The following NLRP12 variants were observed in gnomAD, a reference collection of about 807,000 sequenced individuals.
NLRP12 encodes the protein NACHT, LRR and PYD domains-containing protein 12.
A neutral mutation model predicts 91.2 loss-of-function variants in NLRP12; 108 were observed. The observed-to-expected ratio is 1.18, with a 90% CI of 1.01 to 1.39. The LOEUF (loss-of-function observed/expected upper bound fraction) is 1.39, where lower values mean the gene tolerates loss of function less well. NLRP12 is among the 40% of genes most tolerant of loss of function. The probability of loss-of-function intolerance (pLI) is 0.00; values close to 1 mark genes in which losing one functional copy is unlikely to be tolerated. For synonymous variants in NLRP12, 613 were observed against 566.7 expected (o/e 1.08, Z -1.16); for missense variants, 1,530 against 1,352.7 (o/e 1.13, Z -2.06).
In NLRP12 at chr19:53,809,938, T is replaced by G. The variant is rs2092034857; in HGVS notation, c.1721A>C (p.His574Pro). ...FGLLNEETRS[H>P]LEKSLCWKVS... ...CTTCCAGCAGAGACTCTTCTCCAGG[T>G]GGCTCCTGGTCTCCTCGTTCAGGAG... The change falls in exon 3 of 10, where the codon CAC (histidine) becomes CCC (proline). Residue 574 changes from histidine (H) to proline (P), a missense_variant. Coordinates refer to ENST00000324134, the MANE Select transcript of NLRP12 (RefSeq NM_144687.4). 1 of 1,614,084 alleles carries G rather than the reference T, an allele frequency of 6.2e-7. No homozygotes were observed. Among genetic ancestry groups the G allele is most frequent in the Non-Finnish European group, 8.5e-7 (1 of 1,180,018 alleles).
In NLRP12 at chr19:53,809,793, C is replaced by G; in HGVS notation, c.1866G>C (p.Glu622Asp). 6.2e-7 allele frequency: 1 copy of G among 1,614,104 alleles called. No individual in the cohort carries two copies. Among genetic ancestry groups the G allele is most frequent in the Non-Finnish European group, 8.5e-7 (1 of 1,179,994 alleles). Residue 622 changes from glutamate (E) to aspartate (D), a missense_variant, in exon 3 of 10, where the codon GAG becomes GAC. Physicochemically the swap from Glu to Asp is conservative, Grantham distance 45. Transcript: ENST00000324134. ...EFFSCLYEIQ[E>D]EEFIQQALSH... ...TCAGGGCCTGCTGGATAAACTCCTC[C>G]TCCTGGATCTCGTACAAGCAGCTGA...
chr19:53,815,380 C>T (rs540042450), intron 1 of NLRP12, among the ~76,000 whole-genome samples: 2 of 151,978 alleles, frequency 1.3e-5, no homozygotes, highest in African/African-American at 4.8e-5. Flanking sequence ...AGGTGTGCGC[C>T]ACAATGCCTG....
chr19:53,807,456 T>G (rs1400649074), intron 4 of NLRP12, 39 bp downstream of exon 4: 1 of 1,600,856 alleles, frequency 6.2e-7, no homozygotes, highest in East Asian at 2.2e-5. Flanking sequence ...GAGGCCACGG[T>G]GGGGACCACC....
At chr19:53,798,174 TGAAGGATGA>T in intron 8 of NLRP12, 60 bp downstream of exon 8, 1 of 1,511,112 alleles carries the variant, frequency 6.6e-7, no homozygotes, top group South Asian at 1.1e-5. Flanking sequence ...AATAGAAAAA[TGAAGGATGA>T]GAAGGCGCTT....
intron 4 of NLRP12, 99 bp downstream of exon 4, chr19:53,807,396 C>G (rs908577901): frequency 1.6e-6 from 2 of 1,233,588 alleles, no homozygotes; most frequent in South Asian, 1.3e-5. Flanking sequence ...GCAGCCGTAG[C>G]CAACGAATAC....
At position 53,823,472 on chromosome 19, in the gene NLRP12, TA is replaced by T. The variant is rs1463849982; in HGVS notation, c.289+413del. Among the ~76,000 whole-genome samples the T allele has an allele frequency of 1.2e-3, 150 of 126,020 alleles. 2 individuals carry two copies. The highest frequency in any genetic ancestry group is 3.9e-3 in the African/African-American group (129 of 32,904). The allele number at this position is 126,020 out of a possible 152,430, so 82.7% of individuals were successfully genotyped here. Reference sequence around the variant, plus strand: ...TAAATATATATTTTAAATATATATTTAAAATATATATTTTAAAATATATTTA... The same window carrying T: ...TAAATATATATTTTAAATATATATTTAAATATATATTTTAAAATATATTTA... On this transcript the variant is annotated intron_variant, in intron 1 of 9. Transcript: ENST00000324134.
intron 3 of NLRP12, among the ~76,000 whole-genome samples, chr19:53,809,093 A>G (rs565702702): frequency 6.6e-6 from 1 of 151,846 alleles, no homozygotes; most frequent in African/African-American, 2.4e-5. Context: ...TGGCATGGTG[A>G]TGGGCACCTG....
At chr19:53,823,293 T>C (rs2092286663) in intron 1 of NLRP12, among the ~76,000 whole-genome samples, 1 of 139,934 alleles carries the variant, frequency 7.1e-6, no homozygotes, top group Admixed American at 7.8e-5. Flanking sequence ...ATACCATATT[T>C]ATATAATATA....
chr19:53,805,143 G>A, intron 5 of NLRP12, 137 bp downstream of exon 5: 2 of 873,038 alleles, frequency 2.3e-6, no homozygotes, highest in South Asian at 2.8e-5. Flanking sequence ...AGAGTCCAGG[G>A]CCAGGGTCTT....
Position 53,814,923 on chromosome 19 carries a change from C to A in NLRP12, c.355G>T (p.Val119Phe). ...TGAGGCTCACCTTTTCTTGGAGTGA[C>A]AAGAGAGACTTCCAGAAGGCATGTT... Reference protein sequence around the residue: ...QSTCLLEVSLVTPRKDPQETY... With the variant: ...QSTCLLEVSLFTPRKDPQETY... Residue 119 changes from valine (V) to phenylalanine (F), a missense_variant, in exon 2 of 10, where the codon GTC becomes TTC. Coordinates refer to ENST00000324134, the MANE Select transcript of NLRP12 (RefSeq NM_144687.4). 6.2e-7 allele frequency: 1 copy of A among 1,613,940 alleles called. No individual in the cohort carries two copies.
At position 53,811,522 on chromosome 19, in the gene NLRP12, A is replaced by T. The variant is rs529640118; in HGVS notation, c.371-234T>A. 8.8e-4 allele frequency among the ~76,000 whole-genome samples: 134 copies of T among 151,594 alleles called. 1 individual carries two copies. Among genetic ancestry groups the T allele is most frequent in the African/African-American group, 1.2e-3 (50 of 41,368 alleles). ...GAGCCAGACTCCATCTCAAAAAAAA[A>T]TTTTTTTTAATTAAAATAATTTATT... On this transcript the variant is annotated intron_variant, in intron 2 of 9. Transcript: ENST00000324134.
At chr19:53,794,946 C>T (rs1320488729) in intron 9 of NLRP12, among the ~76,000 whole-genome samples, 3 of 152,034 alleles carry the variant, frequency 2.0e-5, no homozygotes, top group South Asian at 2.1e-4. Context: ...AGTGATTTGC[C>T]TGCCTTGGCC....
At chr19:53,793,677 C>G (rs879479440), downstream of NLRP12, 4 of 321,766 alleles carry the variant, frequency 1.2e-5, no homozygotes, top group East Asian at 7.4e-5. Flanking sequence ...CTCCACCTCC[C>G]GGGTTCAAGC....
At chr19:53,806,767 AG>A (rs2091965997) in intron 4 of NLRP12, among the ~76,000 whole-genome samples, 1 of 146,722 alleles carries the variant, frequency 6.8e-6, no homozygotes, top group Non-Finnish European at 1.5e-5. Context: ...CTGGAGCAAG[AG>A]GATCGCTTGA....
At chr19:53,823,469 A>ATTTTAAATATGTAT (rs1314014988) in intron 1 of NLRP12, among the ~76,000 whole-genome samples, 2 of 106,634 alleles carry the variant, frequency 1.9e-5, no homozygotes, top group African/African-American at 7.1e-5. Flanking sequence ...TTAAATATAT[A>ATTTTAAATATGTAT]TTTAAAATAT....
chr19:53,806,178 G>A (rs987781457), intron 4 of NLRP12, among the ~76,000 whole-genome samples: 3 of 151,968 alleles, frequency 2.0e-5, no homozygotes, highest in Admixed American at 6.6e-5. Context: ...AGGTTGCAGT[G>A]AGTCGAGATC....
At chr19:53,797,624 C>T (rs777387111) in intron 8 of NLRP12, among the ~76,000 whole-genome samples, 1 of 152,008 alleles carries the variant, frequency 6.6e-6, no homozygotes, top group Non-Finnish European at 1.5e-5. Flanking sequence ...ACCGTTTTGG[C>T]CAGGCTGGTC....
At chr19:53,811,516 A>C (rs1014084196) in intron 2 of NLRP12, among the ~76,000 whole-genome samples, 4 of 151,848 alleles carry the variant, frequency 2.6e-5, no homozygotes, top group Non-Finnish European at 5.9e-5. Context: ...TCCATCTCAA[A>C]AAAAAATTTT....
chr19:53,818,504 A>G (rs1300540820), intron 1 of NLRP12, among the ~76,000 whole-genome samples: 1 of 151,726 alleles, frequency 6.6e-6, no homozygotes, highest in African/African-American at 2.4e-5. Context: ...CATCTCTACT[A>G]TAAATACGAA....
Sources: allele counts gnomAD v4.1 joint callset (sites outside exome capture counted in the v4.1 genomes callset), GRCh38; gene constraint gnomAD v4.1.1; transcripts MANE v1.5; gene names NCBI Gene and HGNC (gene_info 2026-07-23, HGNC 2026-07-21).